Variants in TTC39B observed in about 807,000 individuals in gnomAD.
TTC39B encodes the protein tetratricopeptide repeat domain 39B.
TTC39B carries 92 observed loss-of-function variants against 96.6 expected under a neutral mutation model. The ratio of observed to expected loss-of-function variants is 0.95; its 90% confidence interval spans 0.80 to 1.13. TTC39B has a LOEUF of 1.13. Ranked by LOEUF, TTC39B falls within the 50% of genes most tolerant of loss-of-function variation. The pLI is 0.00. For synonymous variants in TTC39B, 367 were observed against 299.4 expected (o/e 1.23, Z -2.33); for missense variants, 955 against 809.3 (o/e 1.18, Z -2.18).
intron 8 of TTC39B, among the ~76,000 whole-genome samples, chr9:15,198,117 C>A (rs1463875193): frequency 1.3e-5 from 2 of 152,032 alleles, no homozygotes; most frequent in East Asian, 1.9e-4. Flanking sequence ...AAGTCTGACA[C>A]CGCATTGTAG....
intron 3 of TTC39B, among the ~76,000 whole-genome samples, chr9:15,216,747 A>C (rs1210855765): frequency 6.6e-6 from 1 of 152,204 alleles, no homozygotes; most frequent in Non-Finnish European, 1.5e-5. Flanking sequence ...ACTAATATTT[A>C]TGCTAAATAT....
chr9:15,200,698 T>C (rs907460733), intron 7 of TTC39B, among the ~76,000 whole-genome samples: 1 of 152,226 alleles, frequency 6.6e-6, no homozygotes, highest in Non-Finnish European at 1.5e-5. Flanking sequence ...TTCTAGTCTA[T>C]TGATATCAGA....
Position 15,245,567 on chromosome 9 carries a change from A to G in TTC39B, c.276-19555T>C, listed in dbSNP as rs1446174712. On this transcript the variant is annotated intron_variant, in intron 2 of 19. Coordinates refer to ENST00000512701, the Ensembl canonical transcript of TTC39B. ...GGGTGATGGCAAATAAACGCTATAT[A>G]TTGGGTCCTGGATTGCTGGAATGAA... 2.0e-5 allele frequency among the ~76,000 whole-genome samples: 3 copies of G among 152,194 alleles called. No homozygotes were observed. In the East Asian group the frequency reaches 5.8e-4, roughly 29 times the overall value.
rs1247240493 is a variant in TTC39B at position 15,249,717 on chromosome 9, G to A, written c.275+18197C>T. 3.0e-5 allele frequency: 7 copies of A among 236,040 alleles called. No homozygotes were observed. The East Asian group carries it at 6.1e-4, about 20-fold the overall frequency. The allele number at this position is 236,040 out of a possible 1,614,324, so 14.6% of individuals were successfully genotyped here. Reference sequence around the variant, plus strand: ...GGAAGTTTTAAAAAGGTTGGGGGGAGGGTCAGAGGGGAAGCCAAGCAGGCT... The same window carrying A: ...GGAAGTTTTAAAAAGGTTGGGGGGAAGGTCAGAGGGGAAGCCAAGCAGGCT... On this transcript the variant is annotated intron_variant, in intron 2 of 19. Transcript: ENST00000512701.
intron 3 of TTC39B, among the ~76,000 whole-genome samples, chr9:15,215,857 C>A (rs963854145): frequency 6.6e-6 from 1 of 152,060 alleles, no homozygotes; most frequent in African/African-American, 2.4e-5. Flanking sequence ...GAACGAGACG[C>A]TATCTCAAAA....
intron 2 of TTC39B, among the ~76,000 whole-genome samples, chr9:15,237,376 G>C (rs1047606696): frequency 1.3e-5 from 2 of 152,170 alleles, no homozygotes; most frequent in Middle Eastern, 3.4e-3. Context: ...CCAATTGGCA[G>C]ACCATTAGCT....
At chr9:15,225,439 T>C (rs1244222962) in intron 3 of TTC39B, among the ~76,000 whole-genome samples, 2 of 152,202 alleles carry the variant, frequency 1.3e-5, no homozygotes, top group East Asian at 3.9e-4. Flanking sequence ...AAGAAAGAAA[T>C]AATCATAATA....
chr9:15,177,054 G>A (rs942080884), intron 18 of TTC39B, among the ~76,000 whole-genome samples: 4 of 152,126 alleles, frequency 2.6e-5, no homozygotes, highest in Non-Finnish European at 4.4e-5. Context: ...TTATTATCAC[G>A]GTGATGGCAA....
intron 9 of TTC39B, among the ~76,000 whole-genome samples, chr9:15,191,609 G>C (rs1424564521): frequency 6.6e-6 from 1 of 152,146 alleles, no homozygotes; most frequent in African/African-American, 2.4e-5. Context: ...ATCAGTCATA[G>C]TCTGTGTGAT....
At chr9:15,213,413 C>T (rs1021717123) in intron 4 of TTC39B, among the ~76,000 whole-genome samples, 1 of 152,204 alleles carries the variant, frequency 6.6e-6, no homozygotes, top group Non-Finnish European at 1.5e-5. Flanking sequence ...TAAATCTTAA[C>T]ACAATTACCA....
intron 8 of TTC39B, among the ~76,000 whole-genome samples, chr9:15,193,672 G>T (rs544822994): frequency 6.6e-6 from 1 of 152,120 alleles, no homozygotes; most frequent in African/African-American, 2.4e-5. Context: ...ATGTTTATTT[G>T]GTCAGCTCAA....
chr9:15,233,617 C>T (rs1213541611), intron 2 of TTC39B, among the ~76,000 whole-genome samples: 3 of 152,128 alleles, frequency 2.0e-5, no homozygotes, highest in Non-Finnish European at 2.9e-5. Context: ...CTCGGCCTCC[C>T]GAGGTGCCGG....
intron 6 of TTC39B, among the ~76,000 whole-genome samples, chr9:15,205,886 T>G (rs1305744917): frequency 6.6e-6 from 1 of 152,050 alleles, no homozygotes; most frequent in Non-Finnish European, 1.5e-5. Flanking sequence ...CAAGAGCACC[T>G]TCAGGAAAAG....
At chr9:15,250,197 C>A in intron 2 of TTC39B, 2 of 1,178,772 alleles carry the variant, frequency 1.7e-6, no homozygotes, top group Non-Finnish European at 2.1e-6. Context: ...CAGCTACACT[C>A]ACTGCTGTAG....
intron 17 of TTC39B, among the ~76,000 whole-genome samples, chr9:15,182,014 G>C (rs969877185): frequency 2.0e-5 from 3 of 152,174 alleles, no homozygotes; most frequent in Admixed American, 6.5e-5. Context: ...TCTGCTGTCT[G>C]TCTTTATAGA....
intron 1 of TTC39B, among the ~76,000 whole-genome samples, chr9:15,285,425 A>G (rs530018718): frequency 6.6e-6 from 1 of 152,358 alleles, no homozygotes; most frequent in East Asian, 1.9e-4. Flanking sequence ...GAAATGATAA[A>G]TGCTTGAAGT....
chr9:15,261,389 C>T (rs950511297), intron 2 of TTC39B, among the ~76,000 whole-genome samples: 2 of 152,090 alleles, frequency 1.3e-5, no homozygotes, highest in African/African-American at 4.8e-5. Flanking sequence ...GTGGGAGGAG[C>T]ACTTGAACCC....
rs771718446 is a variant in TTC39B at position 15,189,605 on chromosome 9, C to T, written c.1202G>A (p.Arg401Gln). 8 of 1,613,960 alleles carry T rather than the reference C, an allele frequency of 5.0e-6. No individual in the cohort carries two copies. Among genetic ancestry groups the T allele is most frequent in the African/African-American group, 1.3e-5 (1 of 74,908 alleles). Residue 401 changes from arginine to glutamine, a missense_variant, in exon 13 of 20, where the codon CGA (arginine) becomes CAA (glutamine). Coordinates refer to ENST00000512701, the Ensembl canonical transcript of TTC39B. ...AAGATTCCCTTTCAGCAACTCTATT[C>T]GGGCATGATAAAACAACACGAGTGA...
rs79772901 is a variant in TTC39B, at chr9:15,190,703, G to A, written c.997-41C>T. On this transcript the variant is annotated intron_variant, in intron 10 of 19. Coordinates refer to ENST00000512701, the Ensembl canonical transcript of TTC39B. ...GCATTTTTAGAAAGAGAACAAGACT[G>A]GAAAATCATATTCAGAAACTTTTTA... 7,198 of 1,506,016 alleles carry A rather than the reference G, an allele frequency of 4.8e-3. 294 individuals carry two copies. The African/African-American group carries it at 0.086, about 18-fold the overall frequency. The allele number at this position is 1,506,016 out of a possible 1,614,324, so 93.3% of individuals were successfully genotyped here.
Sources: allele counts gnomAD v4.1 joint callset (sites outside exome capture counted in the v4.1 genomes callset), GRCh38; gene constraint gnomAD v4.1.1; transcripts MANE v1.5; gene names NCBI Gene and HGNC (gene_info 2026-07-23, HGNC 2026-07-21).